Variants in BMP7 observed in about 807,000 individuals in gnomAD.
BMP7 encodes the protein osteogenic protein 1.
A neutral mutation model predicts 41.2 loss-of-function variants in BMP7; 12 were observed. That is an observed-to-expected ratio of 0.29 (90% CI 0.19 to 0.47). The LOEUF (loss-of-function observed/expected upper bound fraction) is 0.47, where lower values mean the gene tolerates loss of function less well. Among genes scored for constraint, BMP7 ranks in the 20% least tolerant of loss-of-function variants. The pLI is 0.99. For synonymous variants in BMP7, 248 were observed against 250.0 expected (o/e 0.99, Z 0.07); for missense variants, 467 against 606.0 (o/e 0.77, Z 2.41).
chr20:57,258,179 G>A (rs959842815), intron 1 of BMP7, among the ~76,000 whole-genome samples: 1 of 152,232 alleles, frequency 6.6e-6, no homozygotes, highest in Non-Finnish European at 1.5e-5. Flanking sequence ...CTAATACTTG[G>A]TGAGTCGGAT....
intron 1 of BMP7, among the ~76,000 whole-genome samples, chr20:57,237,187 G>T (rs945640441): frequency 6.6e-6 from 1 of 152,146 alleles, no homozygotes; most frequent in African/African-American, 2.4e-5. Flanking sequence ...TAGGGGCCGG[G>T]GACAGACCCC....
intron 2 of BMP7, among the ~76,000 whole-genome samples, chr20:57,219,818 T>C (rs895824820): frequency 6.6e-6 from 1 of 152,148 alleles, no homozygotes; most frequent in Non-Finnish European, 1.5e-5. Context: ...CCGATGCTCC[T>C]AAAGGCCTTT....
At position 57,171,760 on chromosome 20, in the gene BMP7, C is replaced by A. The variant is rs1983821452; in HGVS notation, c.1147-652G>T. Among the ~76,000 whole-genome samples the A allele has an allele frequency of 6.6e-6, 1 of 152,186 alleles. No homozygotes were observed. Among genetic ancestry groups the A allele is most frequent in the Non-Finnish European group, 1.5e-5 (1 of 68,030 alleles). ...GTTTCCAGCAACTGTAGGTGCCAGGCAAGAGCATCAGTGACTGGCACTCTG... is the reference window on the plus strand; with the variant it reads ...GTTTCCAGCAACTGTAGGTGCCAGGAAAGAGCATCAGTGACTGGCACTCTG... On this transcript the variant is annotated intron_variant, in intron 6 of 6. Transcript: ENST00000395863. The surrounding 1 kb of genome is among the most constrained non-coding windows in gnomAD (Gnocchi z 4.5).
chr20:57,206,127 C>T (rs1301416218), intron 2 of BMP7, among the ~76,000 whole-genome samples: 4 of 152,212 alleles, frequency 2.6e-5, no homozygotes, highest in African/African-American at 9.6e-5. Flanking sequence ...CTGGTTCTTA[C>T]AACCAGGAGA....
In BMP7 at chr20:57,169,041, C is replaced by T. The variant is rs1983752265; in HGVS notation, c.*1918G>A. 6.6e-6 allele frequency: 1 copy of T among 152,120 alleles called. No individual in the cohort carries two copies. The highest frequency in any genetic ancestry group is 2.4e-5 in the African/African-American group (1 of 41,416). The allele number at this position is 152,120 out of a possible 1,614,324, so 9.4% of individuals were successfully genotyped here. A position where few individuals can be genotyped will look rare whatever the true frequency, so the allele number is the denominator to read the frequency against. On this transcript the variant is annotated 3_prime_UTR_variant, in exon 7 of 7. Coordinates refer to ENST00000395863, the MANE Select transcript of BMP7 (RefSeq NM_001719.3). ...GGTTTAAATGTACAAATGATGCTAA[C>T]CAGAGGCTGGTTGGGTCAGAAAACT...
chr20:57,211,774 G>A (rs1011687355), intron 2 of BMP7, among the ~76,000 whole-genome samples: 5 of 152,178 alleles, frequency 3.3e-5, no homozygotes, highest in Non-Finnish European at 7.3e-5. Flanking sequence ...CTGTCTCCTA[G>A]AAGCCAGAAA....
intron 2 of BMP7, among the ~76,000 whole-genome samples, chr20:57,204,546 C>A (rs998784616): frequency 6.6e-6 from 1 of 152,208 alleles, no homozygotes. Context: ...GAGGCAGGTG[C>A]GAGGGCACAG....
At chr20:57,226,468 T>G (rs893166148) in intron 2 of BMP7, among the ~76,000 whole-genome samples, 3 of 152,242 alleles carry the variant, frequency 2.0e-5, no homozygotes, top group African/African-American at 7.2e-5. Flanking sequence ...GCGAGGGTAC[T>G]TGCCCTGCGG....
chr20:57,195,109 T>A (rs1365864070), intron 3 of BMP7, among the ~76,000 whole-genome samples: 1 of 152,126 alleles, frequency 6.6e-6, no homozygotes, highest in Non-Finnish European at 1.5e-5. Context: ...CCAGACGACT[T>A]GAGCAAAATC....
chr20:57,227,398 C>G (rs914762371), intron 2 of BMP7, among the ~76,000 whole-genome samples: 1 of 151,772 alleles, frequency 6.6e-6, no homozygotes, highest in South Asian at 2.1e-4. Context: ...CCCCACCCCC[C>G]ACCAGCACCA....
chr20:57,219,485 T>C (rs1336362368), intron 2 of BMP7, among the ~76,000 whole-genome samples: 1 of 152,150 alleles, frequency 6.6e-6, no homozygotes, highest in Non-Finnish European at 1.5e-5. Flanking sequence ...GGTGACATTT[T>C]TGGTTTCACA....
chr20:57,179,398 C>T (rs1984018187), intron 4 of BMP7, among the ~76,000 whole-genome samples: 1 of 152,246 alleles, frequency 6.6e-6, no homozygotes, highest in African/African-American at 2.4e-5. Context: ...TCAGCTCCCG[C>T]CTCCACGGGT....
chr20:57,222,295 A>T (rs185000139), intron 2 of BMP7, among the ~76,000 whole-genome samples: 210 of 142,056 alleles, frequency 1.5e-3, no homozygotes, highest in Non-Finnish European at 1.5e-3. Flanking sequence ...GGACAGAGAT[A>T]AAAAAAAGCC....
rs945103221 is a variant in BMP7, at chr20:57,261,450, A to G, written c.418+4255T>C. ...CTCAGCCTTACCCTGCCTTGATTCCAGAAGGAAAATACATAGAAAATGAAA... is the reference window on the plus strand; with the variant it reads ...CTCAGCCTTACCCTGCCTTGATTCCGGAAGGAAAATACATAGAAAATGAAA... On this transcript the variant is annotated intron_variant, in intron 1 of 6. Coordinates refer to ENST00000395863, the MANE Select transcript of BMP7 (RefSeq NM_001719.3). The surrounding 1 kb of genome is among the most constrained non-coding windows in gnomAD (Gnocchi z 4.1). 5.9e-5 allele frequency among the ~76,000 whole-genome samples: 9 copies of G among 152,214 alleles called. No homozygotes were observed. The highest frequency in any genetic ancestry group is 1.3e-4 in the Non-Finnish European group (9 of 68,032).
chr20:57,179,277 C>A (rs1038287924), intron 4 of BMP7, among the ~76,000 whole-genome samples: 1 of 152,250 alleles, frequency 6.6e-6, no homozygotes, highest in Non-Finnish European at 1.5e-5. Flanking sequence ...CCCCACCCGC[C>A]CCCAAGCAAC....
chr20:57,192,552 TCACACTGG>T, intron 3 of BMP7, among the ~76,000 whole-genome samples: 1 of 151,906 alleles, frequency 6.6e-6, no homozygotes, highest in East Asian at 1.9e-4. Context: ...CCCGGACAAG[TCACACTGG>T]CTAGGGAGCC....
chr20:57,193,680 T>C (rs1281131267), intron 3 of BMP7, among the ~76,000 whole-genome samples: 1 of 152,232 alleles, frequency 6.6e-6, no homozygotes, highest in Non-Finnish European at 1.5e-5. Context: ...TCCATCCATC[T>C]GGTGGCTTCC....
chr20:57,195,958 C>A (rs1030421322), intron 3 of BMP7, among the ~76,000 whole-genome samples: 1 of 152,146 alleles, frequency 6.6e-6, no homozygotes, highest in Non-Finnish European at 1.5e-5. Context: ...GGACAGCCAG[C>A]GCTTACTGGA....
chr20:57,205,999 G>A (rs1984720861), intron 2 of BMP7, among the ~76,000 whole-genome samples: 1 of 152,174 alleles, frequency 6.6e-6, no homozygotes, highest in South Asian at 2.1e-4. Flanking sequence ...TGAGAGCCCA[G>A]GCATGAGGTT....
Sources: gnomAD v4.1 joint callset for allele counts (sites outside exome capture counted in the v4.1 genomes callset) on GRCh38, gnomAD v4.1.1 for gene constraint, Gnocchi (gnomAD v3.1) non-coding constraint, MANE v1.5 for transcripts, NCBI Gene and HGNC (gene_info 2026-07-23, HGNC 2026-07-21) for gene names.